The following KIAA0319 variants were observed in gnomAD, a reference collection of about 807,000 sequenced individuals.
The protein encoded by KIAA0319 is KIAA0319, also known as dyslexia-associated protein KIAA0319.
Under a neutral mutation model 108.4 loss-of-function variants are expected in KIAA0319, and 83 were observed. The ratio of observed to expected loss-of-function variants is 0.77; its 90% confidence interval spans 0.64 to 0.92. The LOEUF is 0.92. Ranked by LOEUF, KIAA0319 falls within the 40% of genes least tolerant of loss-of-function variation. The pLI, the probability that KIAA0319 is intolerant of heterozygous loss-of-function variation, is 0.00. For missense variants in KIAA0319, 1,195 were observed against 1,322.4 expected (o/e 0.90, Z 1.49); for synonymous variants, 484 against 510.4 (o/e 0.95, Z 0.70).
intron 1 of KIAA0319, among the ~76,000 whole-genome samples, chr6:24,615,257 T>C (rs1772996933): frequency 6.6e-6 from 1 of 152,198 alleles, no homozygotes; most frequent in Non-Finnish European, 1.5e-5. Context: ...GAGACTGCTT[T>C]AACAAATTAT....
chr6:24,564,128 A>C, intron 15 of KIAA0319, 74 bp downstream of exon 15: 2 of 1,587,542 alleles, frequency 1.3e-6, no homozygotes, highest in Admixed American at 3.4e-5. Flanking sequence ...CACTGGTCAC[A>C]TCTGTCAGCG....
Position 24,564,289 on chromosome 6 carries a change from C to T in KIAA0319, c.2344G>A (p.Val782Met), listed in dbSNP as rs745716352. The change falls in exon 15 of 21, where the codon GTG (valine) becomes ATG (methionine). Residue 782 changes from valine to methionine, a missense_variant. Physicochemically the swap from Val to Met is conservative, Grantham distance 21 (BLOSUM62 1). Transcript: ENST00000378214. ...HSVALQLTNLVEGVYTFHLRV... is the reference protein window; with the variant it reads ...HSVALQLTNLMEGVYTFHLRV... ...AAGTGGAAAGTGTACACCCCCTCCA[C>T]CAGATTCGTAAGCTGCAGAGCCACA... is the stretch of plus-strand genomic sequence containing the variant. 12 of 1,614,068 alleles carry T rather than the reference C, an allele frequency of 7.4e-6. No individual in the cohort carries two copies. The highest frequency in any genetic ancestry group is 9.3e-6 in the Non-Finnish European group (11 of 1,180,022).
At chr6:24,570,730 A>G (rs1581986103) in intron 11 of KIAA0319, among the ~76,000 whole-genome samples, 1 of 151,552 alleles carries the variant, frequency 6.6e-6, no homozygotes, top group East Asian at 2.0e-4. Flanking sequence ...ACAAAGGGAC[A>G]TCACAGAGAG....
At chr6:24,553,477 G>T (rs1761876131) in intron 19 of KIAA0319, among the ~76,000 whole-genome samples, 1 of 151,374 alleles carries the variant, frequency 6.6e-6, no homozygotes, top group South Asian at 2.1e-4. Context: ...ACCTTCTCCT[G>T]CCTTCTTTCA....
At chr6:24,567,758 A>G (rs766535076) in intron 13 of KIAA0319, among the ~76,000 whole-genome samples, 33 of 152,190 alleles carry the variant, frequency 2.2e-4, no homozygotes, top group Non-Finnish European at 4.4e-4. Context: ...TAATAACTTC[A>G]GAAAAGAGGG....
chr6:24,595,547 A>AAC (rs35806397), intron 3 of KIAA0319, among the ~76,000 whole-genome samples: 1 of 59,806 alleles, frequency 1.7e-5, no homozygotes, highest in Admixed American at 2.1e-4. Context: ...ATTCAATCTC[A>AAC]AAAAAAAAAA....
Position 24,563,449 on chromosome 6 carries a change from T to G in KIAA0319, c.2501A>C (p.Lys834Thr). Residue 834 changes from lysine (K) to threonine (T), a missense_variant, in exon 16 of 21, where the codon AAG becomes ACG. Coordinates refer to ENST00000378214, the MANE Select transcript of KIAA0319 (RefSeq NM_014809.4). The stretch of plus-strand genomic sequence containing the variant: ...AGCCAGCTGCCTCACAAGGGTGTCC[T>G]TCCGCTGCTCTGTCAGCTGCCCAAC... ...VGVGQLTEQRKDTLVRQLAVL... is the reference protein window; with the variant it reads ...VGVGQLTEQRTDTLVRQLAVL... The G allele has an allele frequency of 6.2e-7, 1 of 1,613,778 alleles. No homozygotes were observed. The highest frequency in any genetic ancestry group is 8.5e-7 in the Non-Finnish European group (1 of 1,179,966).
At chr6:24,626,116 T>C (rs751073240) in intron 1 of KIAA0319, among the ~76,000 whole-genome samples, 2 of 152,252 alleles carry the variant, frequency 1.3e-5, no homozygotes, top group African/African-American at 2.4e-5. Flanking sequence ...TGTACCATTC[T>C]ATTTACATGA....
chr6:24,606,238 G>T (rs1401464164), intron 1 of KIAA0319, among the ~76,000 whole-genome samples: 3 of 152,142 alleles, frequency 2.0e-5, no homozygotes, highest in Non-Finnish European at 4.4e-5. Context: ...CGCCTGGCCG[G>T]AATGGGTATT....
intron 4 of KIAA0319, among the ~76,000 whole-genome samples, chr6:24,586,287 A>G (rs146084680): frequency 6.6e-6 from 1 of 151,994 alleles, no homozygotes; most frequent in African/African-American, 2.4e-5. Flanking sequence ...TCTTTTATAC[A>G]AGGATTATTT....
At chr6:24,595,546 CAAAAAAAAAAAA>C (rs60291863) in intron 3 of KIAA0319, among the ~76,000 whole-genome samples, 2 of 43,276 alleles carry the variant, frequency 4.6e-5, no homozygotes, top group South Asian at 2.2e-3. Context: ...GATTCAATCT[CAAAAAAAAAAAA>C]AAAAAAAAAA....
At chr6:24,601,498 G>T (rs950874722) in intron 1 of KIAA0319, among the ~76,000 whole-genome samples, 6 of 152,226 alleles carry the variant, frequency 3.9e-5, no homozygotes, top group African/African-American at 1.4e-4. Flanking sequence ...TTATAGAAAG[G>T]CAGTCAGCCA....
At chr6:24,628,041 T>C (rs1242477154) in intron 1 of KIAA0319, among the ~76,000 whole-genome samples, 1 of 152,216 alleles carries the variant, frequency 6.6e-6, no homozygotes, top group Non-Finnish European at 1.5e-5. Flanking sequence ...CATCATTGCT[T>C]CCAGGTTTTA....
intron 8 of KIAA0319, among the ~76,000 whole-genome samples, chr6:24,579,433 CTTATATATCTCATATA>C (rs1766076736): frequency 9.7e-6 from 1 of 102,778 alleles, no homozygotes. Flanking sequence ...ATATATATAT[CTTATATATCTCATATA>C]TATCTTATAT....
intron 1 of KIAA0319, among the ~76,000 whole-genome samples, chr6:24,617,602 T>C (rs1003553128): frequency 6.6e-6 from 1 of 152,144 alleles, no homozygotes; most frequent in African/African-American, 2.4e-5. Context: ...GTGAGTTTCA[T>C]GGATGCACAG....
intron 2 of KIAA0319, chr6:24,598,208 G>A: frequency 2.0e-6 from 1 of 507,926 alleles, no homozygotes. Flanking sequence ...GGGACCAGTG[G>A]TATGGAGGGC....
chr6:24,643,686 T>C (rs1777253457), intron 1 of KIAA0319, among the ~76,000 whole-genome samples: 1 of 152,252 alleles, frequency 6.6e-6, no homozygotes, highest in Admixed American at 6.5e-5. Context: ...TACCAAATTA[T>C]TTTTAAGGTA....
intron 1 of KIAA0319, among the ~76,000 whole-genome samples, chr6:24,621,371 G>A (rs116202062): frequency 6.6e-6 from 1 of 152,102 alleles, no homozygotes; most frequent in Non-Finnish European, 1.5e-5. Flanking sequence ...AAGCCCCCAA[G>A]TGTTCATTAA....
chr6:24,611,166 A>C (rs1582220542), intron 1 of KIAA0319, among the ~76,000 whole-genome samples: 1 of 149,636 alleles, frequency 6.7e-6, no homozygotes, highest in South Asian at 2.1e-4. Context: ...TAAGATGTAC[A>C]GTTTTTGCTT....
Sources: allele counts gnomAD v4.1 joint callset (sites outside exome capture counted in the v4.1 genomes callset), GRCh38; gene constraint gnomAD v4.1.1; transcripts MANE v1.5; gene names NCBI Gene and HGNC (gene_info 2026-07-23, HGNC 2026-07-21).